Variants in M1AP observed in about 807,000 individuals in gnomAD.
M1AP encodes meiosis 1 arrest protein.
A neutral mutation model predicts 51.2 loss-of-function variants in M1AP; 39 were observed. The observed-to-expected ratio is 0.76, with a 90% confidence interval of 0.59 to 1.00. The LOEUF is 1.00. M1AP is among the 50% of genes least tolerant of loss of function. M1AP has a pLI of 0.00. For missense variants in M1AP, 545 were observed against 641.2 expected, an observed-to-expected ratio of 0.85 and a Z score of 1.62; for synonymous variants, 251 against 249.2, an observed-to-expected ratio of 1.01 and a Z score of -0.07.
At chr2:74,618,540 C>T (rs1014247035) in intron 2 of M1AP, among the ~76,000 whole-genome samples, 2 of 152,160 alleles carry the variant, frequency 1.3e-5, no homozygotes, top group African/African-American at 4.8e-5. Flanking sequence ...AAACAATCCT[C>T]GATCCTCAGG....
chr2:74,574,529 A>G (rs191431437), intron 7 of M1AP, among the ~76,000 whole-genome samples: 1 of 152,292 alleles, frequency 6.6e-6, no homozygotes, highest in East Asian at 1.9e-4. Flanking sequence ...GTCTACTGCA[A>G]TACCCTCCTA....
At chr2:74,631,732 T>C (rs1306475016) in intron 2 of M1AP, among the ~76,000 whole-genome samples, 1 of 152,182 alleles carries the variant, frequency 6.6e-6, no homozygotes, top group Admixed American at 6.5e-5. Context: ...TCATTCTGGT[T>C]GAAATTATTT....
intron 1 of M1AP, chr2:74,647,483 A>G: frequency 1.2e-6 from 1 of 802,950 alleles, no homozygotes; most frequent in Non-Finnish European, 1.5e-6. Flanking sequence ...CATTAAAAAA[A>G]GATTAAAAGA....
chr2:74,625,816 T>G (rs1682348113), intron 2 of M1AP, among the ~76,000 whole-genome samples: 1 of 152,234 alleles, frequency 6.6e-6, no homozygotes, highest in South Asian at 2.1e-4. Context: ...ACCATATGAT[T>G]CAGGCCTCCT....
chr2:74,625,865 C>T (rs929900257), intron 2 of M1AP, among the ~76,000 whole-genome samples: 3 of 152,210 alleles, frequency 2.0e-5, no homozygotes, highest in Non-Finnish European at 4.4e-5. Context: ...TTACTTGTTC[C>T]TCCCCGTGAG....
intron 4 of M1AP, among the ~76,000 whole-genome samples, chr2:74,592,089 C>A (rs1680078804): frequency 6.6e-6 from 1 of 152,162 alleles, no homozygotes; most frequent in South Asian, 2.1e-4. Flanking sequence ...AGGCATAAGT[C>A]ACTGAGCCCA....
Position 74,576,448 on chromosome 2 carries a change from G to A in M1AP, c.932+8C>T, listed in dbSNP as rs1679072280. The A allele has an allele frequency of 1.9e-6, 3 of 1,613,126 alleles. No individual in the cohort carries two copies. The highest frequency in any genetic ancestry group is 2.5e-6 in the Non-Finnish European group (3 of 1,179,844). ...TGCATGGATTGGGGAGGTTCCCTTG[G>A]ACCATACTTGATCACTTGGAGCTTG... On this transcript the variant is annotated splice_region_variant and intron_variant, in intron 6 of 10. Coordinates refer to ENST00000421985, the MANE Select transcript of M1AP (RefSeq NM_001321739.2).
At chr2:74,566,857 G>T (rs900164165) in intron 7 of M1AP, among the ~76,000 whole-genome samples, 1 of 152,162 alleles carries the variant, frequency 6.6e-6, no homozygotes, top group Non-Finnish European at 1.5e-5. Context: ...CTTGAATCCT[G>T]TAACTTCTGT....
At position 74,575,452 on chromosome 2, in the gene M1AP, A is replaced by T. The variant is rs760374511; in HGVS notation, c.1060T>A (p.Cys354Ser). The T allele has an allele frequency of 5.6e-6, 9 of 1,614,034 alleles. No homozygotes were observed. The highest frequency in any genetic ancestry group is 5.5e-5 in the South Asian group (5 of 91,090). Residue 354 changes from cysteine (C) to serine (S), a missense_variant, in exon 7 of 11, where the codon TGT becomes AGT. By Grantham distance (112) the Cys-to-Ser change is moderately radical. Transcript: ENST00000421985. Reference sequence around the variant, plus strand: ...TGGGTACTCACCAGCAGGCTGTGACACAAAGCATGGAAATGTTGCTGATTT... The same window carrying T: ...TGGGTACTCACCAGCAGGCTGTGACTCAAAGCATGGAAATGTTGCTGATTT... ...ETNQQHFHALCHSLLKREWLL... is the reference protein window; with the variant it reads ...ETNQQHFHALSHSLLKREWLL...
In M1AP at chr2:74,628,738, T is replaced by A. The variant is rs1323846281; in HGVS notation, c.240+11298A>T. On this transcript the variant is annotated intron_variant, in intron 2 of 10. Coordinates refer to ENST00000421985, the MANE Select transcript of M1AP (RefSeq NM_001321739.2). ...CAAAAGTCACATGACAACAACAAGA[T>A]AATCGTCATCATACAGGCAATAAAG... The A allele has an allele frequency of 1.4e-5, 8 of 577,696 alleles. No individual in the cohort carries two copies. In the East Asian group the frequency reaches 3.9e-4, roughly 28 times the overall value. The allele number at this position is 577,696 out of a possible 1,614,324, so 35.8% of individuals were successfully genotyped here.
At chr2:74,597,021 T>C (rs181398209) in intron 4 of M1AP, among the ~76,000 whole-genome samples, 1 of 152,222 alleles carries the variant, frequency 6.6e-6, no homozygotes. Context: ...TTCTGTATAT[T>C]GATCGTGATG....
chr2:74,576,656 A>G, intron 5 of M1AP, 38 bp from the exon 6 acceptor site: 2 of 1,605,678 alleles, frequency 1.2e-6, no homozygotes, highest in Non-Finnish European at 1.7e-6. Context: ...ACACACTACA[A>G]TTGGAGGAAG....
At position 74,568,329 on chromosome 2, in the gene M1AP, G is replaced by A. The variant is rs142013285; in HGVS notation, c.1075-5906C>T. Among the ~76,000 whole-genome samples, 8 of 152,346 alleles carry A rather than the reference G, an allele frequency of 5.3e-5. No homozygotes were observed. The East Asian group carries it at 1.5e-3, about 29-fold the overall frequency. ...ACTGGTTCTCCTGCCTAGAACAATC[G>A]GAAAAGCTGGATAATTTGTTGGAAG... On this transcript the variant is annotated intron_variant, in intron 7 of 10. Transcript: ENST00000421985.
Position 74,558,229 on chromosome 2 carries a change from T to C in M1AP, c.*487A>G, listed in dbSNP as rs1395447179. The C allele has an allele frequency of 6.2e-6, 1 of 160,166 alleles. No homozygotes were observed. Among genetic ancestry groups the C allele is most frequent in the Non-Finnish European group, 1.4e-5 (1 of 73,724 alleles). The allele number at this position is 160,166 out of a possible 1,614,324, so 9.9% of individuals were successfully genotyped here. On this transcript the variant is annotated 3_prime_UTR_variant, in exon 11 of 11. Coordinates refer to ENST00000421985, the MANE Select transcript of M1AP (RefSeq NM_001321739.2). The stretch of plus-strand genomic sequence containing the variant: ...TGTAGGTACCAAGCACTTGTCTCTT[T>C]GGAGGCTGAAGCCTGGTGGTGTAGT...
Position 74,558,726 on chromosome 2 carries a change from G to C in M1AP, c.1583C>G (p.Ser528Ter). ...TCTGGTGCTGGTGACTTAGGGCCTT[G>C]AGGGATCCTTCTCCCACTCTGAAGG... is the stretch of plus-strand genomic sequence containing the variant. Reference protein sequence around the residue: ...FLPSEWEKDPSRP With the variant: ...FLPSEWEKDP Residue 528 changes from serine to a stop codon, truncating the protein, a stop_gained, in exon 11 of 11, where the codon TCA becomes TGA. Transcript: ENST00000421985. LOFTEE classifies it high-confidence loss of function. 1 of 1,612,476 alleles carries C rather than the reference G, an allele frequency of 6.2e-7. No homozygotes were observed. The highest frequency in any genetic ancestry group is 8.5e-7 in the Non-Finnish European group (1 of 1,179,390).
intron 7 of M1AP, among the ~76,000 whole-genome samples, chr2:74,571,400 A>G (rs182774237): frequency 6.6e-6 from 1 of 152,360 alleles, no homozygotes; most frequent in East Asian, 1.9e-4. Flanking sequence ...CATTACAGTG[A>G]AAAACAGAAG....
chr2:74,588,547 ACAACGGTGAGGCAGTCAAGCTTG>A (rs1679853077), intron 4 of M1AP, among the ~76,000 whole-genome samples: 1 of 152,248 alleles, frequency 6.6e-6, no homozygotes, highest in South Asian at 2.1e-4. Context: ...CTAACAGCTT[ACAACGGTGAGGCAGTCAAGCTTG>A]TCTTTCTAAG....
Position 74,639,227 on chromosome 2 carries a change from T to TA in M1AP, c.240+808dup, listed in dbSNP as rs560346804. ...CCAATGAGGGAAACTAAGGCATTAA[T>TA]AAAAAAATAGATTTCAGTCATATAT... On this transcript the variant is annotated intron_variant, in intron 2 of 10. Transcript: ENST00000421985. 2.7e-3 allele frequency among the ~76,000 whole-genome samples: 408 copies of TA among 152,296 alleles called. 1 individual carries two copies. The highest frequency in any genetic ancestry group is 3.8e-3 in the Non-Finnish European group (258 of 68,016).
intron 5 of M1AP, among the ~76,000 whole-genome samples, chr2:74,577,397 A>C (rs1679139178): frequency 1.3e-5 from 2 of 152,346 alleles, no homozygotes; most frequent in South Asian, 4.1e-4. Context: ...ACACAAGCTT[A>C]AATCCTTGAT....
Sources: allele counts gnomAD v4.1 joint callset (sites outside exome capture counted in the v4.1 genomes callset), GRCh38; gene constraint gnomAD v4.1.1; transcripts MANE v1.5; gene names NCBI Gene and HGNC (gene_info 2026-07-23, HGNC 2026-07-21).